FAM228B: variants seen among roughly 807,000 people sequenced by gnomAD.
FAM228B encodes the protein family with sequence similarity 228 member B.
A neutral mutation model predicts 42.6 loss-of-function variants in FAM228B; 38 were observed. The ratio of observed to expected loss-of-function variants is 0.89; its 90% confidence interval spans 0.69 to 1.17. The LOEUF (loss-of-function observed/expected upper bound fraction) is 1.17. FAM228B is among the 50% of genes most tolerant of loss of function. The pLI is 0.00. For missense variants in FAM228B, 344 were observed against 367.3 expected, an observed-to-expected ratio of 0.94 and a Z score of 0.52; for synonymous variants, 109 against 122.3, an observed-to-expected ratio of 0.89 and a Z score of 0.72.
intron 3 of FAM228B, among the ~76,000 whole-genome samples, chr2:24,113,220 G>A (rs1194872818): frequency 1.3e-5 from 2 of 152,036 alleles, no homozygotes; most frequent in African/African-American, 2.4e-5. Flanking sequence ...CTTATTTAAC[G>A]TTCTTATTAC....
chr2:24,083,984 G>A lies in FAM228B; in HGVS notation c.-210+3029G>A, dbSNP rs35213671. Among the ~76,000 whole-genome samples the A allele has an allele frequency of 7.3e-3, 1,110 of 152,294 alleles. 9 individuals carry two copies. Among genetic ancestry groups the A allele is most frequent in the African/African-American group, 0.026 (1,068 of 41,542 alleles). ...GGCCTGAGTGGCTATGGATTAGCTCGGGGTGGATTCTGCTTTACAAGTACT... is the reference window on the plus strand; with the variant it reads ...GGCCTGAGTGGCTATGGATTAGCTCAGGGTGGATTCTGCTTTACAAGTACT... On this transcript the variant is annotated intron_variant, in intron 2 of 10. Coordinates refer to the FAM228B transcript ENST00000613899.
intron 3 of FAM228B, among the ~76,000 whole-genome samples, chr2:24,103,095 A>G (rs948566707): frequency 6.6e-6 from 1 of 152,168 alleles, no homozygotes; most frequent in Non-Finnish European, 1.5e-5. Context: ...CATATGATGC[A>G]TTTTTGAACA....
At chr2:24,120,237 C>T (rs752203735), upstream of FAM228B, among the ~76,000 whole-genome samples, 1 of 151,614 alleles carries the variant, frequency 6.6e-6, no homozygotes, top group Non-Finnish European at 1.5e-5. Flanking sequence ...CCATTGCACT[C>T]CAGCCTGGGC....
chr2:24,157,847 A>G (rs1487178203), intron 7 of FAM228B, among the ~76,000 whole-genome samples: 1 of 152,210 alleles, frequency 6.6e-6, no homozygotes, highest in Non-Finnish European at 1.5e-5. Flanking sequence ...AGATGATTCG[A>G]ACACATACCA....
At position 24,080,426 on chromosome 2, in the gene FAM228B, G is replaced by T. The variant is rs1374061496; in HGVS notation, c.-289-450G>T. Among the ~76,000 whole-genome samples, 2 of 152,018 alleles carry T rather than the reference G, an allele frequency of 1.3e-5. No individual in the cohort carries two copies. The highest frequency in any genetic ancestry group is 2.9e-5 in the Non-Finnish European group (2 of 67,998). On this transcript the variant is annotated intron_variant, in intron 1 of 10. Coordinates refer to the FAM228B transcript ENST00000613899. The surrounding 1 kb of genome is among the most constrained non-coding windows in gnomAD (Gnocchi z 4.7). ...ACACGTCTGGCTTTGGAATACAGAG[G>T]TGTGCACATCTACTTACTCATTTAG...
Position 24,084,252 on chromosome 2 carries a change from C to T in FAM228B, c.-210+3297C>T, listed in dbSNP as rs34704159. 26 of 1,614,016 alleles carry T rather than the reference C, an allele frequency of 1.6e-5. No homozygotes were observed. The highest frequency in any genetic ancestry group is 3.3e-5 in the Admixed American group (2 of 60,008). Reference sequence around the variant, plus strand: ...CCTTCAGGAGGACTTCACCCTCCCCCGGGCTCGGCTTGGCCACCTCCTTCA... The same window carrying T: ...CCTTCAGGAGGACTTCACCCTCCCCTGGGCTCGGCTTGGCCACCTCCTTCA... On this transcript the variant is annotated intron_variant, in intron 2 of 10. Transcript: ENST00000613899. This position sits in a 1 kb window ranked among gnomAD's most constrained non-coding sequence, Gnocchi z 8.4.
At chr2:24,093,097 T>C (rs952412034) in intron 2 of FAM228B, among the ~76,000 whole-genome samples, 6 of 152,210 alleles carry the variant, frequency 3.9e-5, no homozygotes, top group African/African-American at 1.4e-4. Flanking sequence ...GCAAAAAGCA[T>C]GTCCCAAAAC....
upstream of FAM228B, among the ~76,000 whole-genome samples, chr2:24,120,006 C>T (rs1166495774): frequency 3.3e-5 from 5 of 152,120 alleles, no homozygotes; most frequent in African/African-American, 1.2e-4. Context: ...CAGTGGCTCC[C>T]GCCTGTAATC....
chr2:24,167,074 AG>A (rs1245992016), intron 9 of FAM228B, among the ~76,000 whole-genome samples: 2 of 152,108 alleles, frequency 1.3e-5, no homozygotes, highest in Non-Finnish European at 2.9e-5. Context: ...GGTCTGGAGT[AG>A]GGGGGAAATC....
At chr2:24,166,054 A>AAAAAAAAAAAATAT (rs56146407) in intron 9 of FAM228B, 5 of 81,042 alleles carry the variant, frequency 6.2e-5, no homozygotes, top group African/African-American at 2.0e-4. Context: ...AAAAAAAAAA[A>AAAAAAAAAAAATAT]ATATATATAT....
At chr2:24,096,964 G>A (rs981865480) in intron 3 of FAM228B, 1 of 152,094 alleles carries the variant, frequency 6.6e-6, no homozygotes, top group Non-Finnish European at 1.5e-5. Context: ...GAAGAGAGTG[G>A]GGGCCAATAT....
chr2:24,139,931 A>G (rs756820514), intron 5 of FAM228B, among the ~76,000 whole-genome samples: 1 of 152,130 alleles, frequency 6.6e-6, no homozygotes, highest in Non-Finnish European at 1.5e-5. Context: ...CCCTCCCTCA[A>G]TAGTTTATTA....
chr2:24,159,116 T>C (rs1406139671), intron 7 of FAM228B, among the ~76,000 whole-genome samples: 1 of 152,224 alleles, frequency 6.6e-6, no homozygotes, highest in Non-Finnish European at 1.5e-5. Context: ...CACCTATCAG[T>C]GGGTTAGGGT....
At chr2:24,081,861 A>C (rs1329532051) in intron 2 of FAM228B, among the ~76,000 whole-genome samples, 1 of 150,984 alleles carries the variant, frequency 6.6e-6, no homozygotes, top group Non-Finnish European at 1.5e-5. Flanking sequence ...ACGCCCAGCT[A>C]ATTTTTTGTA....
chr2:24,122,703 C>T, upstream of FAM228B: 1 of 522,126 alleles, frequency 1.9e-6, no homozygotes, highest in East Asian at 3.0e-5. Context: ...ATTCAGGGCC[C>T]ACCAGTACCC....
intron 3 of FAM228B, among the ~76,000 whole-genome samples, chr2:24,110,523 C>T (rs887811214): frequency 6.6e-6 from 1 of 152,102 alleles, no homozygotes; most frequent in Non-Finnish European, 1.5e-5. Flanking sequence ...ATAACAGAAG[C>T]CCATATAAAA....
intron 5 of FAM228B, among the ~76,000 whole-genome samples, chr2:24,145,727 A>G (rs1377054633): frequency 7.3e-6 from 1 of 136,888 alleles, no homozygotes; most frequent in Non-Finnish European, 1.5e-5. Flanking sequence ...TTTTTTTGAG[A>G]CGGAGTCTTG....
intron 2 of FAM228B, among the ~76,000 whole-genome samples, chr2:24,082,613 G>A (rs1377603416): frequency 1.3e-5 from 2 of 152,196 alleles, no homozygotes; most frequent in Non-Finnish European, 2.9e-5. Context: ...CCAGAGAGAA[G>A]CTCAGTATGA....
At chr2:24,123,708 C>T (rs1397735716) in intron 1 of FAM228B, among the ~76,000 whole-genome samples, 175 bp downstream of exon 1, 2 of 151,504 alleles carry the variant, frequency 1.3e-5, no homozygotes, top group African/African-American at 2.4e-5. Context: ...CCCGCCAGGC[C>T]GGGCGGTCCC....
Sources: allele counts gnomAD v4.1 joint callset (sites outside exome capture counted in the v4.1 genomes callset), GRCh38; gene constraint gnomAD v4.1.1; non-coding constraint Gnocchi (gnomAD v3.1); transcripts MANE v1.5; gene names NCBI Gene and HGNC (gene_info 2026-07-23, HGNC 2026-07-21).